Variants in TMTC2 observed in about 807,000 individuals in gnomAD.
The protein encoded by TMTC2 is transmembrane O-mannosyltransferase targeting cadherins 2.
A neutral mutation model predicts 82.4 loss-of-function variants in TMTC2; 43 were observed. The observed-to-expected ratio is 0.52, with a 90% CI of 0.41 to 0.67. TMTC2 has a LOEUF of 0.67. Among genes scored for constraint, TMTC2 ranks in the 30% least tolerant of loss-of-function variants. The pLI is 0.00. For missense variants in TMTC2, 919 were observed against 1,012.4 expected, an observed-to-expected ratio of 0.91 and a Z score of 1.25; for synonymous variants, 408 against 381.9, an observed-to-expected ratio of 1.07 and a Z score of -0.80.
intron 2 of TMTC2, among the ~76,000 whole-genome samples, chr12:82,863,728 A>G (rs927156287): frequency 7.2e-5 from 11 of 152,202 alleles, no homozygotes; most frequent in African/African-American, 2.4e-4. Flanking sequence ...ACAACGATCT[A>G]TTCACAAATT....
At chr12:82,947,617 A>C (rs1443298862) in intron 4 of TMTC2, among the ~76,000 whole-genome samples, 1 of 152,174 alleles carries the variant, frequency 6.6e-6, no homozygotes, top group East Asian at 1.9e-4. Context: ...GGCGTGAGCC[A>C]CCGTGCCCAG....
chr12:82,800,393 C>T (rs1878935058), intron 1 of TMTC2, among the ~76,000 whole-genome samples: 1 of 152,156 alleles, frequency 6.6e-6, no homozygotes. Context: ...CCTACGCTGT[C>T]ATGATTCCTG....
At chr12:82,971,185 A>G (rs752966836) in intron 7 of TMTC2, among the ~76,000 whole-genome samples, 95 of 152,268 alleles carry the variant, frequency 6.2e-4, no homozygotes, top group Non-Finnish European at 9.4e-4. Flanking sequence ...TCAGATTTAC[A>G]GTTTGTATTA....
intron 11 of TMTC2, 106 bp downstream of exon 11, chr12:83,061,937 GTT>G (rs1419353705): frequency 2.2e-6 from 2 of 913,228 alleles, no homozygotes; most frequent in African/African-American, 1.7e-5. Flanking sequence ...GTTTTGTTTT[GTT>G]TTGTTTTTTC....
intron 2 of TMTC2, among the ~76,000 whole-genome samples, chr12:82,882,560 T>C (rs1388762237): frequency 1.3e-5 from 2 of 152,102 alleles, no homozygotes; most frequent in Non-Finnish European, 1.5e-5. Flanking sequence ...CTTGCTTGCT[T>C]AGTAAACCCA....
At chr12:82,961,924 T>G (rs1023369157) in intron 4 of TMTC2, among the ~76,000 whole-genome samples, 1 of 152,090 alleles carries the variant, frequency 6.6e-6, no homozygotes, top group African/African-American at 2.4e-5. Context: ...AAGAAATCAG[T>G]CACAATAGTC....
At chr12:82,863,752 T>A (rs1270022316) in intron 2 of TMTC2, among the ~76,000 whole-genome samples, 2 of 152,154 alleles carry the variant, frequency 1.3e-5, no homozygotes, top group African/African-American at 4.8e-5. Flanking sequence ...ATTAAAAAAA[T>A]TCATCTTTGT....
intron 11 of TMTC2, 35 bp downstream of exon 11, chr12:83,061,866 G>A (rs1882755814): frequency 6.7e-7 from 1 of 1,499,150 alleles, no homozygotes; most frequent in Non-Finnish European, 9.0e-7. Flanking sequence ...ATTTTCAGAG[G>A]GATAGACTCC....
chr12:82,890,163 G>A (rs1233652396), intron 2 of TMTC2, among the ~76,000 whole-genome samples: 3 of 151,976 alleles, frequency 2.0e-5, no homozygotes, highest in African/African-American at 7.2e-5. Flanking sequence ...AATCTTAATT[G>A]GTATTAACTC....
At chr12:82,797,883 G>T (rs1187890877) in intron 1 of TMTC2, among the ~76,000 whole-genome samples, 2 of 151,366 alleles carry the variant, frequency 1.3e-5, no homozygotes, top group African/African-American at 4.9e-5. Flanking sequence ...TGTTTACAGA[G>T]CAGGTATTGT....
At chr12:82,942,009 G>A (rs1176107887) in intron 4 of TMTC2, among the ~76,000 whole-genome samples, 1 of 152,112 alleles carries the variant, frequency 6.6e-6, no homozygotes, top group Non-Finnish European at 1.5e-5. Flanking sequence ...ATCTAGTGCT[G>A]GGATTACAGG....
At chr12:82,848,572 A>T (rs1439645820) in intron 1 of TMTC2, among the ~76,000 whole-genome samples, 2 of 152,160 alleles carry the variant, frequency 1.3e-5, no homozygotes, top group Admixed American at 1.3e-4. Context: ...TGCCTTGCTT[A>T]TAAATGAATG....
At chr12:82,938,074 C>T (rs565927394) in intron 4 of TMTC2, among the ~76,000 whole-genome samples, 4 of 151,410 alleles carry the variant, frequency 2.6e-5, no homozygotes, top group Non-Finnish European at 2.9e-5. Flanking sequence ...CCACCACACC[C>T]GGCTAATTTT....
chr12:82,830,983 C>T (rs1040766869), intron 1 of TMTC2, among the ~76,000 whole-genome samples: 7 of 151,940 alleles, frequency 4.6e-5, no homozygotes, highest in African/African-American at 1.5e-4. Context: ...CAAGGGAAGG[C>T]GAGGGAATAG....
At chr12:82,714,804 A>G (rs1873816385) in intron 1 of TMTC2, among the ~76,000 whole-genome samples, 2 of 152,174 alleles carry the variant, frequency 1.3e-5, no homozygotes, top group Admixed American at 6.5e-5. Context: ...GAAACAAGGG[A>G]AGACCTTTAC....
At chr12:82,940,310 C>T (rs1032136343) in intron 4 of TMTC2, among the ~76,000 whole-genome samples, 2 of 151,898 alleles carry the variant, frequency 1.3e-5, no homozygotes, top group African/African-American at 4.8e-5. Context: ...AACCACCGCG[C>T]CCGGCCAGAT....
intron 3 of TMTC2, among the ~76,000 whole-genome samples, chr12:82,918,492 A>G (rs1875152726): frequency 6.6e-6 from 1 of 152,152 alleles, no homozygotes; most frequent in Non-Finnish European, 1.5e-5. Flanking sequence ...GGACAAAGAC[A>G]TATGTTAAAT....
At chr12:83,090,993 T>C (rs1883828814) in intron 11 of TMTC2, among the ~76,000 whole-genome samples, 2 of 152,158 alleles carry the variant, frequency 1.3e-5, no homozygotes, top group South Asian at 2.1e-4. Context: ...AGGGTATCCA[T>C]AAAAAATAGC....
At chr12:82,961,760 C>T (rs746681086) in intron 4 of TMTC2, among the ~76,000 whole-genome samples, 45 of 151,952 alleles carry the variant, frequency 3.0e-4, no homozygotes, top group Non-Finnish European at 7.4e-5. Context: ...GTCCTCTGTC[C>T]TCCAGTACAG....
Sources: gnomAD v4.1 joint callset for allele counts (sites outside exome capture counted in the v4.1 genomes callset) on GRCh38, gnomAD v4.1.1 for gene constraint, MANE v1.5 for transcripts, NCBI Gene and HGNC (gene_info 2026-07-23, HGNC 2026-07-21) for gene names.